NFIA: variants seen among roughly 807,000 people sequenced by gnomAD.
The protein encoded by NFIA is nuclear factor I A, also known as nuclear factor 1 A-type.
NFIA carries 8 observed loss-of-function variants against 62.8 expected under a neutral mutation model. That is an observed-to-expected ratio of 0.13 (90% CI 0.07 to 0.23). The LOEUF (loss-of-function observed/expected upper bound fraction) is 0.23, where lower values mean the gene tolerates loss of function less well. Among genes scored for constraint, NFIA ranks in the 10% least tolerant of loss-of-function variants. NFIA has a pLI of 1.00. For missense variants in NFIA, 410 were observed against 642.1 expected (o/e 0.64, Z 3.91); for synonymous variants, 235 against 238.1 (o/e 0.99, Z 0.12).
intron 8 of NFIA, among the ~76,000 whole-genome samples, chr1:61,404,987 TGG>T (rs1665745673): frequency 6.6e-6 from 1 of 152,194 alleles, no homozygotes; most frequent in South Asian, 2.1e-4. Context: ...ATGTTTACAG[TGG>T]AAAGCTGTAT....
chr1:61,399,819 T>C (rs555689155), intron 7 of NFIA, among the ~76,000 whole-genome samples: 92 of 152,282 alleles, frequency 6.0e-4, no homozygotes, highest in Admixed American at 1.1e-3. Flanking sequence ...CTTATGTGTC[T>C]ACAAGACCTC....
intron 1 of NFIA, among the ~76,000 whole-genome samples, chr1:61,083,681 C>T (rs1031058980): frequency 6.6e-6 from 1 of 151,448 alleles, no homozygotes; most frequent in Non-Finnish European, 1.5e-5. Context: ...CCGCGGGCCG[C>T]GGGCCGGGTA....
At chr1:61,228,609 A>G (rs1654476010) in intron 2 of NFIA, among the ~76,000 whole-genome samples, 1 of 152,252 alleles carries the variant, frequency 6.6e-6, no homozygotes, top group Non-Finnish European at 1.5e-5. Context: ...CTAAAATTTT[A>G]AAATTTCTGC....
chr1:61,247,329 T>C lies in NFIA; in HGVS notation c.560-30191T>C, dbSNP rs78734010. Among the ~76,000 whole-genome samples, 50 of 152,332 alleles carry C rather than the reference T, an allele frequency of 3.3e-4. 1 individual carries two copies. In the East Asian group the frequency reaches 9.6e-3, roughly 29 times the overall value. On this transcript the variant is annotated intron_variant, in intron 2 of 10. Transcript: ENST00000403491. ...TCACAGACTTTCATGTTTCATTTCG[T>C]GATATGCAGTGGCACTCTGAAGAAC... is the stretch of plus-strand genomic sequence containing the variant.
chr1:61,210,893 A>C (rs946605657), intron 2 of NFIA, among the ~76,000 whole-genome samples: 1 of 152,222 alleles, frequency 6.6e-6, no homozygotes, highest in African/African-American at 2.4e-5. Context: ...TAGTTTGCCT[A>C]GCTCTTTGGC....
intron 2 of NFIA, among the ~76,000 whole-genome samples, chr1:61,117,171 C>T (rs1005213544): frequency 6.6e-6 from 1 of 152,090 alleles, no homozygotes; most frequent in African/African-American, 2.4e-5. Context: ...ACAGAGACAC[C>T]GCTATTTGTG....
chr1:61,355,066 A>C (rs1054288334), intron 5 of NFIA, among the ~76,000 whole-genome samples: 2 of 152,208 alleles, frequency 1.3e-5, no homozygotes, highest in Admixed American at 1.3e-4. Context: ...TCTAGGCCGT[A>C]ATTACACAGA....
upstream of NFIA, chr1:61,082,540 G>C: frequency 2.1e-6 from 3 of 1,426,764 alleles, no homozygotes; most frequent in Non-Finnish European, 2.8e-6. Flanking sequence ...ATGTATAGTG[G>C]AGTGTAGGGA....
chr1:61,455,472 C>A lies in NFIA; in HGVS notation c.*152C>A, dbSNP rs918429993. The stretch of plus-strand genomic sequence containing the variant: ...CAAATCAACTTGTACATGGAAACAG[C>A]AAGCATTATGGTCAAACAGCAAAGG... On this transcript the variant is annotated 3_prime_UTR_variant, in exon 11 of 11. Transcript: ENST00000403491. 7.8e-7 allele frequency: 1 copy of A among 1,276,096 alleles called. No homozygotes were observed. The highest frequency in any genetic ancestry group is 1.1e-6 in the Non-Finnish European group (1 of 894,560). The allele number at this position is 1,276,096 out of a possible 1,614,324, so 79.0% of individuals were successfully genotyped here.
At chr1:61,364,110 T>A (rs143715256) in intron 6 of NFIA, among the ~76,000 whole-genome samples, 7,597 of 151,926 alleles carry the variant, frequency 0.05, 222 homozygotes, top group Admixed American at 0.097. Context: ...CATGCCTGGC[T>A]AATTTTTGTA....
At chr1:61,188,600 G>A (rs531596561) in intron 2 of NFIA, among the ~76,000 whole-genome samples, 32 of 152,302 alleles carry the variant, frequency 2.1e-4, no homozygotes, top group African/African-American at 7.5e-4. Context: ...TTGTGCTATT[G>A]TGTCGTCATC....
chr1:61,113,596 G>A (rs560219613), intron 2 of NFIA, among the ~76,000 whole-genome samples: 667 of 106,912 alleles, frequency 6.2e-3, no homozygotes, highest in Non-Finnish European at 6.9e-3. Flanking sequence ...CTCCATCTCA[G>A]AAAAAAAAAA....
At chr1:61,336,673 A>G (rs1467628193) in intron 4 of NFIA, among the ~76,000 whole-genome samples, 1 of 151,844 alleles carries the variant, frequency 6.6e-6, no homozygotes, top group African/African-American at 2.4e-5. Flanking sequence ...CCTATTCATT[A>G]CCTCCCACTC....
At chr1:61,378,013 A>G (rs943814705) in intron 6 of NFIA, among the ~76,000 whole-genome samples, 33 of 152,178 alleles carry the variant, frequency 2.2e-4, no homozygotes, top group Non-Finnish European at 4.0e-4. Context: ...TTAAGAAGAT[A>G]CCTAAGGAAG....
chr1:61,247,912 T>G (rs1655753942), intron 2 of NFIA, among the ~76,000 whole-genome samples: 1 of 152,202 alleles, frequency 6.6e-6, no homozygotes, highest in Non-Finnish European at 1.5e-5. Flanking sequence ...ATCAAGTGTT[T>G]CCTGGTTTTG....
chr1:61,266,392 A>G (rs555682264), intron 2 of NFIA, among the ~76,000 whole-genome samples: 2 of 144,898 alleles, frequency 1.4e-5, no homozygotes, highest in African/African-American at 5.5e-5. Flanking sequence ...TTTTATTTTT[A>G]TTTTTGAGAC....
At chr1:61,377,697 A>G (rs1198273331) in intron 6 of NFIA, among the ~76,000 whole-genome samples, 1 of 152,232 alleles carries the variant, frequency 6.6e-6, no homozygotes, top group Admixed American at 6.5e-5. Flanking sequence ...CACTTTGAAG[A>G]AAAGAACATA....
At chr1:61,147,949 C>G (rs557434515) in intron 2 of NFIA, among the ~76,000 whole-genome samples, 5 of 152,120 alleles carry the variant, frequency 3.3e-5, no homozygotes, top group African/African-American at 9.7e-5. Flanking sequence ...TCTTTGTACA[C>G]CAATGCAAGT....
chr1:61,408,343 T>A (rs1202096717), intron 9 of NFIA, among the ~76,000 whole-genome samples: 1 of 152,240 alleles, frequency 6.6e-6, no homozygotes, highest in African/African-American at 2.4e-5. Context: ...TTGAGGCTTG[T>A]TCAAAGATGT....
Sources: allele counts gnomAD v4.1 joint callset (sites outside exome capture counted in the v4.1 genomes callset), GRCh38; gene constraint gnomAD v4.1.1; transcripts MANE v1.5; gene names NCBI Gene and HGNC (gene_info 2026-07-23, HGNC 2026-07-21).